NOL9: variants seen among roughly 807,000 people sequenced by gnomAD.
NOL9 encodes the protein polynucleotide 5'-hydroxyl-kinase NOL9.
NOL9 carries 28 observed loss-of-function variants against 67.9 expected under a neutral mutation model. That is an observed-to-expected ratio of 0.41 (90% CI 0.31 to 0.57). The LOEUF (loss-of-function observed/expected upper bound fraction) is 0.57, where lower values mean the gene tolerates loss of function less well. NOL9 is among the 20% of genes least tolerant of loss of function. The pLI is 0.25. For synonymous variants in NOL9, 356 were observed against 352.2 expected, an observed-to-expected ratio of 1.01 and a Z score of -0.12; for missense variants, 777 against 897.0, an observed-to-expected ratio of 0.87 and a Z score of 1.71.
chr1:6,553,524 CTT>C lies in NOL9; in HGVS notation c.396+581_396+582del, dbSNP rs35449661. On this transcript the variant is annotated intron_variant, in intron 1 of 11. Transcript: ENST00000377705. ...TTTCTGAGCTCTCAGTAATTGCAAC[CTT>C]TTTTTTTTTTAACTATTAAAATCCC... Among the ~76,000 whole-genome samples the C allele has an allele frequency of 4.1e-3, 609 of 147,788 alleles. 5 individuals carry two copies. Among genetic ancestry groups the C allele is most frequent in the East Asian group, 0.036 (182 of 5,076 alleles).
In NOL9 at chr1:6,554,234, G is replaced by A. The variant is rs1251168891; in HGVS notation, c.269C>T (p.Thr90Ile). The A allele has an allele frequency of 2.4e-5, 37 of 1,512,854 alleles. No individual in the cohort carries two copies. Among genetic ancestry groups the A allele is most frequent in the Non-Finnish European group, 3.1e-5 (35 of 1,130,020 alleles). 93.7% of individuals were successfully genotyped at this position (1,512,854 alleles called of 1,614,324 possible). A position where few individuals can be genotyped will look rare whatever the true frequency, so the allele number is the denominator to read the frequency against. Residue 90 changes from threonine (T) to isoleucine (I), a missense_variant, in exon 1 of 12, where the codon ACC (threonine) becomes ATC (isoleucine). Thr to Ile is a moderately conservative substitution (Grantham distance 89). This residue lies in a region of NOL9 where 364 missense variants were observed against 344.4 expected (regional missense o/e 1.06). Coordinates refer to ENST00000377705, the MANE Select transcript of NOL9 (RefSeq NM_024654.5). ...TTCGGACTCGGGTTCGGAGGCCGGG[G>A]TCGGGCTAGGGATCGGGCTGGGGGT... Reference protein sequence around the residue: ...TATPSPIPSPTPASEPESEPE... With the variant: ...TATPSPIPSPIPASEPESEPE...
Position 6,522,856 on chromosome 1 carries a change from C to T in NOL9, c.*2998G>A, listed in dbSNP as rs1398247255. ...CCGAGATCACTCCACTGCACCCCAG[C>T]CTGGGCGACAGAGCTAGACTCTGTC... On this transcript the variant is annotated 3_prime_UTR_variant, in exon 12 of 12. Coordinates refer to ENST00000377705, the MANE Select transcript of NOL9 (RefSeq NM_024654.5). The T allele has an allele frequency of 7.9e-6, 1 of 127,272 alleles. No homozygotes were observed. Among genetic ancestry groups the T allele is most frequent in the Non-Finnish European group, 1.6e-5 (1 of 64,486 alleles). 7.9% of individuals were successfully genotyped at this position (127,272 alleles called of 1,614,324 possible). A position where few individuals can be genotyped will look rare whatever the true frequency, so the allele number is the denominator to read the frequency against.
intron 1 of NOL9, among the ~76,000 whole-genome samples, chr1:6,552,809 C>T (rs921591562): frequency 1.6e-4 from 25 of 151,876 alleles, no homozygotes; most frequent in Admixed American, 1.6e-3. Context: ...CCCCTCCCTC[C>T]TTCCTTTCTT....
At chr1:6,550,638 A>C in intron 1 of NOL9, 23 bp from the exon 2 acceptor site, 1 of 1,558,486 alleles carries the variant, frequency 6.4e-7, no homozygotes, top group Non-Finnish European at 8.8e-7. Flanking sequence ...GAAAACAGAA[A>C]AAACATTATA....
intron 10 of NOL9, among the ~76,000 whole-genome samples, chr1:6,527,342 G>T (rs1485608829): frequency 6.6e-6 from 1 of 151,324 alleles, no homozygotes; most frequent in African/African-American, 2.4e-5. Context: ...AACAAAAATG[G>T]TCTACATGCA....
chr1:6,554,094 GC>G lies in NOL9; in HGVS notation c.396+12del, dbSNP rs1411442670. 3.3e-6 allele frequency: 5 copies of G among 1,513,070 alleles called. No individual in the cohort carries two copies. Among genetic ancestry groups the G allele is most frequent in the Admixed American group, 2.1e-5 (1 of 47,510 alleles). 93.7% of individuals were successfully genotyped at this position (1,513,070 alleles called of 1,614,324 possible). A position where few individuals can be genotyped will look rare whatever the true frequency, so the allele number is the denominator to read the frequency against. Reference sequence around the variant, plus strand: ...CCTGCCCTCGGGGACTACTACCGGCGCCCCCCACCTACCTGCTCGACCGGCA... The same window carrying G: ...CCTGCCCTCGGGGACTACTACCGGCGCCCCCACCTACCTGCTCGACCGGCA... On this transcript the variant is annotated intron_variant, in intron 1 of 11. Transcript: ENST00000377705.
At chr1:6,541,292 C>T (rs1273303274) in intron 6 of NOL9, among the ~76,000 whole-genome samples, 1 of 152,162 alleles carries the variant, frequency 6.6e-6, no homozygotes, top group Non-Finnish European at 1.5e-5. Flanking sequence ...AGCAATTCTC[C>T]TGCTTCAGCC....
rs1638873862 is a variant in NOL9, at chr1:6,525,943, C to G, written c.2020G>C (p.Ala674Pro). 1 of 1,613,828 alleles carries G rather than the reference C, an allele frequency of 6.2e-7. No individual in the cohort carries two copies. Among genetic ancestry groups the G allele is most frequent in the Non-Finnish European group, 8.5e-7 (1 of 1,179,858 alleles). The change falls in exon 12 of 12, where the codon GCA (alanine) becomes CCA (proline). Residue 674 changes from alanine to proline, a missense_variant. Ala to Pro is a conservative substitution (Grantham distance 27). Transcript: ENST00000377705. Reference protein sequence around the residue: ...TTDYNFKLPGASEKIGAREPE... With the variant: ...TTDYNFKLPGPSEKIGAREPE... ...TCTCTTGCTCCAATTTTCTCTGATG[C>G]TCCAGGAAGTTTAAAATTGTAATCC...
chr1:6,543,070 T>G (rs1293309895), intron 5 of NOL9, among the ~76,000 whole-genome samples: 1 of 151,650 alleles, frequency 6.6e-6, no homozygotes, highest in Non-Finnish European at 1.5e-5. Context: ...ATTTCTAAAT[T>G]TTTTGTAGAG....
rs201835857 is a variant in NOL9 at position 6,548,138 on chromosome 1, CTTTTTTT to C, written c.744+1426_744+1432del. The stretch of plus-strand genomic sequence containing the variant: ...GGTCCGTGCCATGAGACTTAAAGTT[CTTTTTTT>C]TTTTTTTTTTTTTTTTTTGAGACGG... On this transcript the variant is annotated intron_variant, in intron 3 of 11. Transcript: ENST00000377705. 463 of 101,878 alleles carry C rather than the reference CTTTTTTT, an allele frequency of 4.5e-3. 2 individuals carry two copies. The highest frequency in any genetic ancestry group is 5.2e-3 in the Non-Finnish European group (261 of 50,244). The allele number at this position is 101,878 out of a possible 1,614,324, so 6.3% of individuals were successfully genotyped here.
chr1:6,544,788 C>G, intron 5 of NOL9, 38 bp downstream of exon 5: 1 of 1,604,758 alleles, frequency 6.2e-7, no homozygotes, highest in Non-Finnish European at 8.5e-7. Flanking sequence ...TGACAAAAAC[C>G]TAGCAATGTG....
At chr1:6,546,263 T>TA (rs1409549873) in intron 3 of NOL9, among the ~76,000 whole-genome samples, 1 of 152,014 alleles carries the variant, frequency 6.6e-6, no homozygotes, top group East Asian at 1.9e-4. Flanking sequence ...AAGCTGAAAA[T>TA]AAATGAAAAA....
intron 5 of NOL9, 64 bp downstream of exon 5, chr1:6,544,762 C>A: frequency 1.3e-6 from 2 of 1,551,962 alleles, no homozygotes; most frequent in Non-Finnish European, 1.8e-6. Context: ...CCCTCCAAAT[C>A]AAAAATCCCA....
chr1:6,543,081 A>T (rs1639335307), intron 5 of NOL9, among the ~76,000 whole-genome samples: 1 of 151,552 alleles, frequency 6.6e-6, no homozygotes, highest in African/African-American at 2.4e-5. Context: ...TTTTGTAGAG[A>T]CAGGGTCTCA....
At chr1:6,552,873 G>A (rs12031598) in intron 1 of NOL9, among the ~76,000 whole-genome samples, 4 of 149,270 alleles carry the variant, frequency 2.7e-5, no homozygotes, top group Non-Finnish European at 6.0e-5. Flanking sequence ...GTGCAATGGC[G>A]TGATCTTGGC....
chr1:6,549,821 C>A (rs1639503545), intron 2 of NOL9, 123 bp from the exon 3 acceptor site: 2 of 1,173,428 alleles, frequency 1.7e-6, no homozygotes, highest in African/African-American at 3.1e-5. Flanking sequence ...GGTTGAGAGC[C>A]TTTTTCAGGG....
intron 6 of NOL9, among the ~76,000 whole-genome samples, chr1:6,535,729 C>T (rs574403959): frequency 3.8e-4 from 58 of 152,136 alleles, no homozygotes; most frequent in African/African-American, 1.3e-3. Flanking sequence ...GAGTTCGAGA[C>T]CAGCCTGGCC....
rs1272866424 is a variant in NOL9 at position 6,525,692 on chromosome 1, G to A, written c.*162C>T. The A allele has an allele frequency of 1.2e-5, 9 of 735,782 alleles. No individual in the cohort carries two copies. The highest frequency in any genetic ancestry group is 2.0e-5 in the Non-Finnish European group (9 of 439,846). 45.6% of individuals were successfully genotyped at this position (735,782 alleles called of 1,614,324 possible). On this transcript the variant is annotated 3_prime_UTR_variant, in exon 12 of 12. Transcript: ENST00000377705. ...TTCTAGCTCATGCAGCTTTAAAAGA[G>A]AAACTTAAGACTACTATATGACATT...
rs770819149 is a variant in NOL9, at chr1:6,550,528, C to T, written c.484G>A (p.Ala162Thr). The change falls in exon 2 of 12, where the codon GCC (alanine) becomes ACC (threonine). Residue 162 changes from alanine to threonine, a missense_variant. Coordinates refer to ENST00000377705, the MANE Select transcript of NOL9 (RefSeq NM_024654.5). ...GTATACACAGAGAAGATGTCTTGGG[C>T]AGGCTGGCCTTGGCTGATGGTAAAA... is the stretch of plus-strand genomic sequence containing the variant. ...FGFTISQGQPAQDIFSVYTHS... is the reference protein window; with the variant it reads ...FGFTISQGQPTQDIFSVYTHS... The T allele has an allele frequency of 5.6e-6, 9 of 1,613,984 alleles. No homozygotes were observed. The highest frequency in any genetic ancestry group is 8.5e-7 in the Non-Finnish European group (1 of 1,180,034).
Sources: gnomAD v4.1 joint callset for allele counts (sites outside exome capture counted in the v4.1 genomes callset) on GRCh38, gnomAD v4.1.1 for gene constraint, gnomAD v4.1.1 regional missense constraint, MANE v1.5 for transcripts, NCBI Gene and HGNC (gene_info 2026-07-23, HGNC 2026-07-21) for gene names.